FUBP3: variants seen among roughly 807,000 people sequenced by gnomAD.
The protein encoded by FUBP3 is far upstream element binding protein 3.
Under a neutral mutation model 85.6 loss-of-function variants are expected in FUBP3, and 28 were observed. That is an observed-to-expected ratio of 0.33 (90% CI 0.24 to 0.45). FUBP3 has a LOEUF of 0.45. Among genes scored for constraint, FUBP3 ranks in the 20% least tolerant of loss-of-function variants. The pLI, the probability that FUBP3 is intolerant of heterozygous loss-of-function variation, is 1.00. For synonymous variants in FUBP3, 271 were observed against 271.4 expected (o/e 1.00, Z 0.01); for missense variants, 583 against 755.1 (o/e 0.77, Z 2.67).
chr9:130,603,724 A>G (rs145151843), intron 2 of FUBP3, among the ~76,000 whole-genome samples: 72 of 152,334 alleles, frequency 4.7e-4, no homozygotes, highest in Non-Finnish European at 8.1e-4. Flanking sequence ...CTCATGTACA[A>G]TGCCTGTTAC....
intron 3 of FUBP3, among the ~76,000 whole-genome samples, chr9:130,611,798 A>G (rs1831757854): frequency 2.1e-5 from 3 of 144,424 alleles, no homozygotes; most frequent in Non-Finnish European, 3.0e-5. Flanking sequence ...CCAGTGCAGT[A>G]GTAGTTTAAA....
At chr9:130,589,673 G>GTGTGTGTGTA (rs1554733120) in intron 1 of FUBP3, among the ~76,000 whole-genome samples, 8 of 28,350 alleles carry the variant, frequency 2.8e-4, no homozygotes, top group Admixed American at 2.2e-3. Context: ...ATGTATGTGT[G>GTGTGTGTGTA]TGTATATATA....
At position 130,637,312 on chromosome 9, in the gene FUBP3, C is replaced by T. The variant is rs115100692; in HGVS notation, c.*290C>T. The T allele has an allele frequency of 2.5e-6, 1 of 404,124 alleles. No homozygotes were observed. The highest frequency in any genetic ancestry group is 4.5e-6 in the Non-Finnish European group (1 of 221,210). 25.0% of individuals were successfully genotyped at this position (404,124 alleles called of 1,614,324 possible). On this transcript the variant is annotated 3_prime_UTR_variant, in exon 19 of 19. Transcript: ENST00000319725. Reference sequence around the variant, plus strand: ...ACCAGAATGTGCCTCAGAGCTGTGACATTTCAACATGATGGTTTTGGTTTG... The same window carrying T: ...ACCAGAATGTGCCTCAGAGCTGTGATATTTCAACATGATGGTTTTGGTTTG...
intron 6 of FUBP3, 150 bp downstream of exon 6, chr9:130,614,495 G>T: frequency 3.6e-6 from 2 of 563,208 alleles, no homozygotes; most frequent in East Asian, 5.7e-5. Context: ...AAATCTGGGA[G>T]GTTACTGTGC....
rs1831996579 is a variant in FUBP3, at chr9:130,616,131, T to C, written c.405-224T>C. Reference sequence around the variant, plus strand: ...GCAGGCTTGAAAGGGGCGGCAAGGCTCTGTGTCACAGCGTTGGTACTGTGG... The same window carrying C: ...GCAGGCTTGAAAGGGGCGGCAAGGCCCTGTGTCACAGCGTTGGTACTGTGG... On this transcript the variant is annotated intron_variant, in intron 6 of 18. Coordinates refer to ENST00000319725, the MANE Select transcript of FUBP3 (RefSeq NM_003934.2). This position sits in a 1 kb window ranked among gnomAD's most constrained non-coding sequence, Gnocchi z 4.7. Among the ~76,000 whole-genome samples, 2 of 151,998 alleles carry C rather than the reference T, an allele frequency of 1.3e-5. No homozygotes were observed. Among genetic ancestry groups the C allele is most frequent in the Non-Finnish European group, 2.9e-5 (2 of 68,034 alleles).
chr9:130,614,081 C>G (rs993944771), intron 5 of FUBP3, among the ~76,000 whole-genome samples: 5 of 152,248 alleles, frequency 3.3e-5, no homozygotes, highest in Non-Finnish European at 5.9e-5. Context: ...TCTAGCTTCC[C>G]CTGTGGGACT....
chr9:130,589,687 ATATATATATATATATATATT>A (rs1564190806), intron 1 of FUBP3, among the ~76,000 whole-genome samples: 25 of 27,244 alleles, frequency 9.2e-4, no homozygotes, highest in Non-Finnish European at 1.6e-3. Flanking sequence ...ATATATATAT[ATATATATATATATATATATT>A]TTTTTTTTTT....
At chr9:130,632,170 A>C in intron 15 of FUBP3, 32 bp from the exon 16 acceptor site, 1 of 1,584,430 alleles carries the variant, frequency 6.3e-7, no homozygotes, top group Non-Finnish European at 8.7e-7. Context: ...CTTGCCCCCT[A>C]TAGGAACGAG....
intron 1 of FUBP3, among the ~76,000 whole-genome samples, chr9:130,593,894 AGTT>A (rs1417639072): frequency 6.6e-6 from 1 of 152,246 alleles, no homozygotes; most frequent in African/African-American, 2.4e-5. Context: ...ATAAGTAAGA[AGTT>A]CTGCATACCA....
At chr9:130,586,529 G>T (rs1364975305) in intron 1 of FUBP3, among the ~76,000 whole-genome samples, 1 of 151,774 alleles carries the variant, frequency 6.6e-6, no homozygotes, top group Non-Finnish European at 1.5e-5. Context: ...AGCCTCCCCA[G>T]TAGCTGCCAC....
In FUBP3 at chr9:130,590,021, ATTTTTT is replaced by A. The variant is rs60878897; in HGVS notation, c.85-5437_85-5432del. The stretch of plus-strand genomic sequence containing the variant: ...TGAGCCACCACACCCGGCCTATTTA[ATTTTTT>A]TTTTTTTTTTTTTTTTTTTTTTTTG... On this transcript the variant is annotated intron_variant, in intron 1 of 18. Transcript: ENST00000319725. 1.3e-4 allele frequency among the ~76,000 whole-genome samples: 6 copies of A among 45,990 alleles called. No individual in the cohort carries two copies. In the East Asian group the frequency reaches 2.4e-3, roughly 18 times the overall value. The allele number at this position is 45,990 out of a possible 152,430, so 30.2% of individuals were successfully genotyped here. A position where few individuals can be genotyped will look rare whatever the true frequency, so the allele number is the denominator to read the frequency against.
intron 11 of FUBP3, among the ~76,000 whole-genome samples, chr9:130,624,868 C>G (rs1339928141): frequency 6.6e-6 from 1 of 152,114 alleles, no homozygotes. Flanking sequence ...AGCGGATCAC[C>G]TGAGGTCAGG....
intron 2 of FUBP3, among the ~76,000 whole-genome samples, chr9:130,606,689 G>T (rs902719944): frequency 6.6e-6 from 1 of 151,966 alleles, no homozygotes; most frequent in African/African-American, 2.4e-5. Context: ...GCGTAGTGGC[G>T]CATGCCTGTA....
intron 1 of FUBP3, among the ~76,000 whole-genome samples, chr9:130,585,215 C>G (rs1830291205): frequency 6.6e-6 from 1 of 152,180 alleles, no homozygotes; most frequent in Non-Finnish European, 1.5e-5. Context: ...ACACTGCTCC[C>G]ACAGCCTGCA....
chr9:130,602,344 G>A (rs1245721058), intron 2 of FUBP3, among the ~76,000 whole-genome samples: 1 of 152,174 alleles, frequency 6.6e-6, no homozygotes, highest in Admixed American at 6.5e-5. Context: ...TGCAGGAAGA[G>A]TGAAATAGAC....
chr9:130,596,310 G>T (rs1445831334), intron 2 of FUBP3, among the ~76,000 whole-genome samples: 1 of 152,046 alleles, frequency 6.6e-6, no homozygotes, highest in South Asian at 2.1e-4. Flanking sequence ...GAGTGAGTCG[G>T]TGTCTTCTCT....
chr9:130,595,226 C>CAAAA (rs10585883), intron 1 of FUBP3, among the ~76,000 whole-genome samples: 1 of 100,882 alleles, frequency 9.9e-6, no homozygotes, highest in Non-Finnish European at 2.1e-5. Flanking sequence ...AACTCCGTCT[C>CAAAA]AAAAAAAAAA....
At chr9:130,584,641 G>A (rs1481169529) in intron 1 of FUBP3, among the ~76,000 whole-genome samples, 4 of 151,548 alleles carry the variant, frequency 2.6e-5, no homozygotes, top group Admixed American at 6.6e-5. Flanking sequence ...GGCTGAGGCA[G>A]GTGGATCACT....
chr9:130,583,362 G>C (rs1588108599), intron 1 of FUBP3, among the ~76,000 whole-genome samples: 1 of 152,218 alleles, frequency 6.6e-6, no homozygotes, highest in Non-Finnish European at 1.5e-5. Context: ...CTTAGAACAA[G>C]CACTAGGTTT....
Sources: allele counts gnomAD v4.1 joint callset (sites outside exome capture counted in the v4.1 genomes callset), GRCh38; gene constraint gnomAD v4.1.1; non-coding constraint Gnocchi (gnomAD v3.1); transcripts MANE v1.5; gene names NCBI Gene and HGNC (gene_info 2026-07-23, HGNC 2026-07-21).